TYR: variants seen among roughly 807,000 people sequenced by gnomAD.
The protein encoded by TYR is tyrosinase, also known as LB24-AB.
In TYR, 58 loss-of-function variants were observed where a neutral mutation model predicts 51.5. The observed-to-expected ratio is 1.13, with a 90% CI of 0.91 to 1.40. The LOEUF (loss-of-function observed/expected upper bound fraction) is 1.40, where lower values mean the gene tolerates loss of function less well. Among genes scored for constraint, TYR ranks in the 40% most tolerant of loss-of-function variants. The probability of loss-of-function intolerance (pLI) is 0.00; values close to 1 mark genes in which losing one functional copy is unlikely to be tolerated. For missense variants in TYR, 732 were observed against 647.4 expected, an observed-to-expected ratio of 1.13 and a Z score of -1.42; for synonymous variants, 263 against 235.2, an observed-to-expected ratio of 1.12 and a Z score of -1.08.
At chr11:89,206,315 A>G (rs1207380256) in intron 2 of TYR, among the ~76,000 whole-genome samples, 5 of 152,244 alleles carry the variant, frequency 3.3e-5, no homozygotes, top group African/African-American at 9.6e-5. Flanking sequence ...AAATCATAAA[A>G]CATTAATCAA....
At chr11:89,261,635 T>G (rs1227426353) in intron 3 of TYR, among the ~76,000 whole-genome samples, 6 of 152,096 alleles carry the variant, frequency 3.9e-5, no homozygotes, top group African/African-American at 1.4e-4. Context: ...TACCCCACTT[T>G]CAGTAAGGGA....
At chr11:89,185,147 C>T (rs1254631880) in intron 1 of TYR, among the ~76,000 whole-genome samples, 1 of 152,028 alleles carries the variant, frequency 6.6e-6, no homozygotes, top group East Asian at 1.9e-4. Flanking sequence ...CTTTATATCC[C>T]GTTAGCCTTT....
In TYR at chr11:89,269,688, T is replaced by G. The variant is rs191310622; in HGVS notation, c.1185-15085T>G. 6.5e-4 allele frequency among the ~76,000 whole-genome samples: 99 copies of G among 152,090 alleles called. 1 individual carries two copies. Among genetic ancestry groups the G allele is most frequent in the African/African-American group, 2.3e-3 (95 of 41,552 alleles). On this transcript the variant is annotated intron_variant, in intron 3 of 4. Coordinates refer to ENST00000263321, the MANE Select transcript of TYR (RefSeq NM_000372.5). Reference sequence around the variant, plus strand: ...CTATATACTTAAAATTGTAGTTAATTGAGATCGGCCACAGTTGAATTTCTT... The same window carrying G: ...CTATATACTTAAAATTGTAGTTAATGGAGATCGGCCACAGTTGAATTTCTT...
At chr11:89,193,544 C>A (rs1591144710) in intron 2 of TYR, among the ~76,000 whole-genome samples, 1 of 152,094 alleles carries the variant, frequency 6.6e-6, no homozygotes, top group South Asian at 2.1e-4. Context: ...TGCAACATAG[C>A]ATATTGTCTG....
intron 3 of TYR, among the ~76,000 whole-genome samples, chr11:89,274,554 T>C (rs1301992478): frequency 1.3e-5 from 2 of 151,928 alleles, no homozygotes; most frequent in East Asian, 1.9e-4. Context: ...ATCTCATTTA[T>C]GTCTTACAGC....
At chr11:89,247,367 A>G (rs1297031340) in intron 3 of TYR, among the ~76,000 whole-genome samples, 2 of 152,210 alleles carry the variant, frequency 1.3e-5, no homozygotes, top group African/African-American at 4.8e-5. Flanking sequence ...GCAGGCATCG[A>G]CTGGGTTATC....
intron 2 of TYR, among the ~76,000 whole-genome samples, chr11:89,225,485 C>T (rs1393097100): frequency 4.6e-5 from 7 of 151,700 alleles, no homozygotes; most frequent in Non-Finnish European, 5.9e-5. Flanking sequence ...CCTTAATCCT[C>T]ACTAATATTT....
At chr11:89,228,948 C>T (rs192351009) in intron 3 of TYR, among the ~76,000 whole-genome samples, 65 of 151,896 alleles carry the variant, frequency 4.3e-4, no homozygotes, top group African/African-American at 1.5e-3. Flanking sequence ...GTCCCCTCTA[C>T]AGTAATTTTC....
chr11:89,283,449 G>A (rs1446558822), intron 3 of TYR, among the ~76,000 whole-genome samples: 1 of 151,806 alleles, frequency 6.6e-6, no homozygotes, highest in African/African-American at 2.4e-5. Flanking sequence ...TTTCTACCAT[G>A]TACCAACCTT....
intron 2 of TYR, among the ~76,000 whole-genome samples, chr11:89,214,266 T>C (rs1026667019): frequency 2.6e-4 from 40 of 151,974 alleles, no homozygotes; most frequent in African/African-American, 9.2e-4. Context: ...ATGCAGCAAA[T>C]AGACATATGA....
intron 2 of TYR, among the ~76,000 whole-genome samples, chr11:89,218,638 T>C (rs1943866715): frequency 6.6e-6 from 1 of 152,200 alleles, no homozygotes; most frequent in Non-Finnish European, 1.5e-5. Flanking sequence ...CCTCTGTAAT[T>C]AATAACAACA....
chr11:89,294,683 G>A (rs1944887286), intron 4 of TYR, among the ~76,000 whole-genome samples: 1 of 152,188 alleles, frequency 6.6e-6, no homozygotes. Flanking sequence ...AAATGCCCTA[G>A]GGTTCTTGGG....
At chr11:89,200,425 G>A (rs1172954363) in intron 2 of TYR, 1 of 152,020 alleles carries the variant, frequency 6.6e-6, no homozygotes, top group Non-Finnish European at 1.5e-5. Context: ...TGCATACATA[G>A]GACTGCTTTG....
At chr11:89,204,644 C>G (rs1943648326) in intron 2 of TYR, among the ~76,000 whole-genome samples, 2 of 152,140 alleles carry the variant, frequency 1.3e-5, no homozygotes, top group South Asian at 4.1e-4. Flanking sequence ...GTGATCCACC[C>G]ACTTTGGCCT....
At chr11:89,245,660 C>T (rs1481534128) in intron 3 of TYR, among the ~76,000 whole-genome samples, 2 of 152,048 alleles carry the variant, frequency 1.3e-5, no homozygotes, top group Admixed American at 6.6e-5. Flanking sequence ...TGGTGGCTCA[C>T]GCCTGTAATC....
intron 3 of TYR, among the ~76,000 whole-genome samples, chr11:89,272,979 A>T (rs1944608371): frequency 1.3e-5 from 2 of 151,916 alleles, no homozygotes; most frequent in Non-Finnish European, 2.9e-5. Context: ...GGAAGTTTGT[A>T]GCTGGTTTGA....
chr11:89,249,556 G>A (rs1031617663), intron 3 of TYR, among the ~76,000 whole-genome samples: 18 of 151,756 alleles, frequency 1.2e-4, no homozygotes, highest in Non-Finnish European at 2.6e-4. Context: ...GTACTTGTTG[G>A]GTCTGAAAAC....
chr11:89,293,336 T>TACAC lies in TYR; in HGVS notation c.1367-1775_1367-1772dup, dbSNP rs59899373. On this transcript the variant is annotated intron_variant, in intron 4 of 4. Transcript: ENST00000263321. ...GCCATTTATGTACACATTTTATGCA[T>TACAC]ACACACACACACACACACACACACA... 6.2e-3 allele frequency among the ~76,000 whole-genome samples: 922 copies of TACAC among 147,718 alleles called. 6 individuals are homozygous for TACAC. Among genetic ancestry groups the TACAC allele is most frequent in the Middle Eastern group, 0.014 (4 of 282 alleles).
intron 3 of TYR, among the ~76,000 whole-genome samples, chr11:89,258,066 A>T (rs189519712): frequency 9.3e-4 from 141 of 152,172 alleles, no homozygotes; most frequent in South Asian, 2.3e-3. Flanking sequence ...GTGCTAATTG[A>T]TTCCACAACA....
Sources: allele counts gnomAD v4.1 joint callset (sites outside exome capture counted in the v4.1 genomes callset), GRCh38; gene constraint gnomAD v4.1.1; transcripts MANE v1.5; gene names NCBI Gene and HGNC (gene_info 2026-07-23, HGNC 2026-07-21).